Variants in OSBPL9 observed in about 807,000 individuals in gnomAD.
OSBPL9 encodes the protein oxysterol-binding protein-related protein 9.
A neutral mutation model predicts 106.6 loss-of-function variants in OSBPL9; 40 were observed. The observed-to-expected ratio is 0.38, with a 90% confidence interval of 0.29 to 0.49. OSBPL9 has a LOEUF of 0.49. Among genes scored for constraint, OSBPL9 ranks in the 20% least tolerant of loss-of-function variants. The pLI, the probability that OSBPL9 is intolerant of heterozygous loss-of-function variation, is 0.97. For missense variants in OSBPL9, 609 were observed against 887.2 expected (o/e 0.69, Z 3.98); for synonymous variants, 269 against 295.4 (o/e 0.91, Z 0.92).
At chr1:51,562,723 A>C in the OSBPL9 span, among the ~76,000 whole-genome samples, 1 of 152,188 alleles carries the variant, frequency 6.6e-6, no homozygotes, top group South Asian at 2.1e-4. Context: ...AATAAAGAAA[A>C]TGTAGCTTCT....
upstream of OSBPL9, among the ~76,000 whole-genome samples, chr1:51,614,640 ATATTTATT>A (rs957185676): frequency 1.3e-5 from 2 of 151,992 alleles, no homozygotes; most frequent in South Asian, 2.1e-4. Context: ...CTAAGAACTA[ATATTTATT>A]TATTTATTTA....
chr1:51,606,067 ACAGT>A (rs1213739082), intron 2 of OSBPL9, among the ~76,000 whole-genome samples: 1 of 152,214 alleles, frequency 6.6e-6, no homozygotes, highest in Non-Finnish European at 1.5e-5. Flanking sequence ...ACCGGCTCTC[ACAGT>A]CAGTGTGGAG....
Position 51,729,690 on chromosome 1 carries a change from C to A in OSBPL9, c.318+15611C>A. ...AACTGGCCCAACCGCCAATCGTCTG[C>A]CTCTCACCTCCTACAGCAGGTGACC... On this transcript the variant is annotated intron_variant, in intron 4 of 23. Transcript: ENST00000428468. The surrounding 1 kb of genome is among the most constrained non-coding windows in gnomAD (Gnocchi z 5.1). 1 of 550,342 alleles carries A rather than the reference C, an allele frequency of 1.8e-6. No homozygotes were observed. Among genetic ancestry groups the A allele is most frequent in the Non-Finnish European group, 2.7e-6 (1 of 376,642 alleles). The allele number at this position is 550,342 out of a possible 1,614,324, so 34.1% of individuals were successfully genotyped here. A position where few individuals can be genotyped will look rare whatever the true frequency, so the allele number is the denominator to read the frequency against.
rs185169641 is a variant in OSBPL9, at chr1:51,583,104, T to A, written c.-423+5848T>A. ...ACTCTGTTTCAAAAAAAGAAAAAAATATATAAATATATAATATAATATCAG... is the reference window on the plus strand; with the variant it reads ...ACTCTGTTTCAAAAAAAGAAAAAAAAATATAAATATATAATATAATATCAG... On this transcript the variant is annotated intron_variant, in intron 1 of 25. Coordinates refer to the OSBPL9 transcript ENST00000371714. Among the ~76,000 whole-genome samples the A allele has an allele frequency of 1.3e-4, 19 of 151,776 alleles. No individual in the cohort carries two copies. In the East Asian group the frequency reaches 3.5e-3, roughly 28 times the overall value.
chr1:51,561,993 T>C, the OSBPL9 span: 1 of 152,188 alleles, frequency 6.6e-6, no homozygotes, highest in Non-Finnish European at 1.5e-5. Context: ...CTACTCCCCC[T>C]GGTAATTGGG....
At chr1:51,732,032 T>G (rs1664577842) in intron 4 of OSBPL9, among the ~76,000 whole-genome samples, 1 of 152,242 alleles carries the variant, frequency 6.6e-6, no homozygotes, top group South Asian at 2.1e-4. Context: ...TTTCAAATGT[T>G]TTTTAATGTG....
intron 1 of OSBPL9, among the ~76,000 whole-genome samples, chr1:51,586,516 A>G (rs1303766794): frequency 6.6e-6 from 1 of 152,228 alleles, no homozygotes; most frequent in Non-Finnish European, 1.5e-5. Context: ...CATGATTTAT[A>G]TGTTACATAT....
At chr1:51,594,383 C>T (rs1312264602) in intron 1 of OSBPL9, among the ~76,000 whole-genome samples, 2 of 151,650 alleles carry the variant, frequency 1.3e-5, no homozygotes, top group South Asian at 2.1e-4. Context: ...GCCTAGGTGA[C>T]GGAGTGAGAC....
At chr1:51,576,866 G>A (rs1343881962), upstream of OSBPL9, among the ~76,000 whole-genome samples, 1 of 152,126 alleles carries the variant, frequency 6.6e-6, no homozygotes, top group East Asian at 1.9e-4. Context: ...TCTTGTAAGT[G>A]GTAGACCTGA....
At chr1:51,574,348 G>A (rs539117901), upstream of OSBPL9, among the ~76,000 whole-genome samples, 254 of 152,272 alleles carry the variant, frequency 1.7e-3, 1 homozygote, top group African/African-American at 5.3e-3. Context: ...GGCCGGGCGC[G>A]GTGGCTCATG....
At chr1:51,563,729 C>T in the OSBPL9 span, 4 of 152,134 alleles carry the variant, frequency 2.6e-5, no homozygotes, top group South Asian at 8.3e-4. Context: ...TATTCAAAGT[C>T]TTCCCAGTAC....
upstream of OSBPL9, among the ~76,000 whole-genome samples, chr1:51,574,972 A>C (rs536111193): frequency 5.1e-4 from 78 of 152,314 alleles, no homozygotes; most frequent in African/African-American, 1.7e-3. Context: ...GTAGACAAAG[A>C]GGCATTCTTC....
intron 12 of OSBPL9, among the ~76,000 whole-genome samples, 159 bp from the exon 13 acceptor site, chr1:51,771,911 C>T (rs980219739): frequency 2.0e-5 from 3 of 152,196 alleles, no homozygotes; most frequent in African/African-American, 4.8e-5. Flanking sequence ...CTTTGTTGAG[C>T]ACATCCTGTG....
intron 17 of OSBPL9, among the ~76,000 whole-genome samples, chr1:51,783,165 T>A (rs1422127722): frequency 6.6e-6 from 1 of 152,068 alleles, no homozygotes; most frequent in Non-Finnish European, 1.5e-5. Flanking sequence ...TTATTTGTAT[T>A]ATTTTTATTT....
chr1:51,651,847 C>T, intron 1 of OSBPL9, 144 bp from the exon 2 acceptor site: 1 of 622,080 alleles, frequency 1.6e-6, no homozygotes, highest in African/African-American at 1.9e-5. Flanking sequence ...TTTTCCTATC[C>T]ATAAGTAATT....
At chr1:51,533,742 G>C in the OSBPL9 span, among the ~76,000 whole-genome samples, 1 of 151,914 alleles carries the variant, frequency 6.6e-6, no homozygotes, top group Non-Finnish European at 1.5e-5. Flanking sequence ...GGGAGCTATG[G>C]CAGGACATGA....
chr1:51,585,336 G>A (rs1013982791), intron 1 of OSBPL9, among the ~76,000 whole-genome samples: 4 of 152,124 alleles, frequency 2.6e-5, no homozygotes, highest in Non-Finnish European at 5.9e-5. Flanking sequence ...ACTTCTCTGG[G>A]CTTCAGTTTT....
chr1:51,760,830 T>C (rs1329062915), intron 10 of OSBPL9, 50 bp downstream of exon 10: 8 of 1,589,190 alleles, frequency 5.0e-6, no homozygotes, highest in Non-Finnish European at 6.9e-6. Context: ...AAAAATAATT[T>C]GTGTGGCTGT....
chr1:51,699,715 A>G (rs1656831180), intron 3 of OSBPL9, among the ~76,000 whole-genome samples: 1 of 152,140 alleles, frequency 6.6e-6, no homozygotes, highest in African/African-American at 2.4e-5. Flanking sequence ...AATGATATTT[A>G]GAAATCAACA....
Sources: allele counts gnomAD v4.1 joint callset (sites outside exome capture counted in the v4.1 genomes callset), GRCh38; gene constraint gnomAD v4.1.1; non-coding constraint Gnocchi (gnomAD v3.1); transcripts MANE v1.5; gene names NCBI Gene and HGNC (gene_info 2026-07-23, HGNC 2026-07-21).